The following COL19A1 variants were observed in gnomAD, a reference collection of about 807,000 sequenced individuals.
COL19A1 encodes collagen type XIX alpha 1 chain, also known as collagen alpha-1(XIX) chain.
COL19A1 carries 159 observed loss-of-function variants against 190.2 expected under a neutral mutation model. The ratio of observed to expected loss-of-function variants is 0.84; its 90% CI spans 0.73 to 0.95. The LOEUF (loss-of-function observed/expected upper bound fraction) is 0.95. COL19A1 is among the 40% of genes least tolerant of loss of function. The pLI, the probability that COL19A1 is intolerant of heterozygous loss-of-function variation, is 0.00. For synonymous variants in COL19A1, 509 were observed against 458.9 expected, an observed-to-expected ratio of 1.11 and a Z score of -1.39; for missense variants, 1,418 against 1,431.9, an observed-to-expected ratio of 0.99 and a Z score of 0.16.
intron 16 of COL19A1, among the ~76,000 whole-genome samples, chr6:70,119,352 A>T (rs1464284342): frequency 6.6e-6 from 1 of 152,222 alleles, no homozygotes; most frequent in African/African-American, 2.4e-5. Context: ...ACACGGTATG[A>T]CTACAGCTAA....
At chr6:69,875,808 G>T (rs1768096505) in intron 1 of COL19A1, among the ~76,000 whole-genome samples, 1 of 152,108 alleles carries the variant, frequency 6.6e-6, no homozygotes, top group East Asian at 1.9e-4. Context: ...TAGGCAGCTG[G>T]ACACACAGTC....
At chr6:70,069,117 C>T (rs775359879) in intron 15 of COL19A1, among the ~76,000 whole-genome samples, 1 of 151,976 alleles carries the variant, frequency 6.6e-6, no homozygotes, top group Non-Finnish European at 1.5e-5. Context: ...TTTAAAGTCT[C>T]AAAAAATCTT....
chr6:70,087,627 T>C (rs1313320266), intron 15 of COL19A1, among the ~76,000 whole-genome samples: 3 of 152,186 alleles, frequency 2.0e-5, no homozygotes, highest in Non-Finnish European at 4.4e-5. Flanking sequence ...AGACTGTTCA[T>C]TTCATTTAGA....
At chr6:69,921,282 A>C in intron 4 of COL19A1, among the ~76,000 whole-genome samples, 1 of 132,586 alleles carries the variant, frequency 7.5e-6, no homozygotes, top group Non-Finnish European at 1.5e-5. Context: ...TATATCATAT[A>C]TCATATATCA....
intron 11 of COL19A1, among the ~76,000 whole-genome samples, chr6:69,996,571 A>G (rs1776917293): frequency 6.6e-6 from 1 of 152,150 alleles, no homozygotes; most frequent in African/African-American, 2.4e-5. Context: ...TAATTTATAT[A>G]GGCAGGTTAG....
Position 70,090,022 on chromosome 6 carries a change from T to A in COL19A1, c.1225-12147T>A, listed in dbSNP as rs778453545. Among the ~76,000 whole-genome samples, 141 of 151,970 alleles carry A rather than the reference T, an allele frequency of 9.3e-4. 1 individual carries two copies. The highest frequency in any genetic ancestry group is 3.8e-4 in the Non-Finnish European group (26 of 67,978). ...AGAGACACCCATCTCTACAAAAAAATTAACAATTTGCTAAGTATGGTGGCA... is the reference window on the plus strand; with the variant it reads ...AGAGACACCCATCTCTACAAAAAAAATAACAATTTGCTAAGTATGGTGGCA... On this transcript the variant is annotated intron_variant, in intron 15 of 50. Transcript: ENST00000620364.
chr6:69,945,241 C>T (rs1157818105), intron 9 of COL19A1, among the ~76,000 whole-genome samples: 1 of 151,936 alleles, frequency 6.6e-6, no homozygotes, highest in African/African-American at 2.4e-5. Context: ...GATTGCTTTG[C>T]TGATATGCTT....
At chr6:70,151,940 A>C (rs1477282318) in intron 31 of COL19A1, among the ~76,000 whole-genome samples, 1 of 152,124 alleles carries the variant, frequency 6.6e-6, no homozygotes, top group African/African-American at 2.4e-5. Flanking sequence ...ACAGTTGACA[A>C]GTGCCCTAAT....
chr6:69,868,876 T>C (rs1209603993), intron 1 of COL19A1, among the ~76,000 whole-genome samples: 2 of 152,264 alleles, frequency 1.3e-5, no homozygotes, highest in East Asian at 3.9e-4. Flanking sequence ...GTACACAGAG[T>C]CAATGGTTCT....
chr6:70,143,343 A>G (rs1031645085), intron 23 of COL19A1, among the ~76,000 whole-genome samples: 2 of 152,156 alleles, frequency 1.3e-5, no homozygotes, highest in Non-Finnish European at 2.9e-5. Context: ...AAAATACTCA[A>G]TACACCTTTC....
At chr6:70,100,753 C>T (rs1164871223) in intron 15 of COL19A1, among the ~76,000 whole-genome samples, 3 of 151,990 alleles carry the variant, frequency 2.0e-5, no homozygotes, top group African/African-American at 7.2e-5. Context: ...GCTGGGATTA[C>T]AGTTGTGAGC....
intron 29 of COL19A1, 35 bp from the exon 30 acceptor site, chr6:70,149,957 G>C (rs752552368): frequency 4.3e-6 from 7 of 1,613,694 alleles, no homozygotes; most frequent in Non-Finnish European, 5.1e-6. Context: ...CCTGTGCCAC[G>C]TGCAAAGATT....
At chr6:70,010,994 A>G (rs1361814058) in intron 11 of COL19A1, among the ~76,000 whole-genome samples, 2 of 6,688 alleles carry the variant, frequency 3.0e-4, no homozygotes, top group Admixed American at 1.4e-3. Flanking sequence ...TGGTTCTCCC[A>G]GCACGCAGCT....
intron 15 of COL19A1, among the ~76,000 whole-genome samples, chr6:70,086,053 T>C (rs1782570368): frequency 6.6e-6 from 1 of 152,180 alleles, no homozygotes; most frequent in Non-Finnish European, 1.5e-5. Context: ...TGGTTAGTTC[T>C]TTTCTGGGGT....
At chr6:70,064,291 G>T (rs1323389784) in intron 14 of COL19A1, among the ~76,000 whole-genome samples, 1 of 152,174 alleles carries the variant, frequency 6.6e-6, no homozygotes, top group Non-Finnish European at 1.5e-5. Flanking sequence ...GATCAAGTGG[G>T]CTTCATCCCT....
intron 2 of COL19A1, among the ~76,000 whole-genome samples, chr6:69,883,350 G>A (rs1402874006): frequency 6.6e-6 from 1 of 152,210 alleles, no homozygotes; most frequent in African/African-American, 2.4e-5. Flanking sequence ...CCTGTCCTAT[G>A]AGACCTCTTG....
At chr6:70,203,102 G>A (rs543373453) in intron 49 of COL19A1, among the ~76,000 whole-genome samples, 1 of 152,242 alleles carries the variant, frequency 6.6e-6, no homozygotes, top group East Asian at 1.9e-4. Context: ...AACAGGAGAG[G>A]CAAATTTTCC....
intron 16 of COL19A1, among the ~76,000 whole-genome samples, chr6:70,117,078 G>A (rs1000569176): frequency 2.0e-5 from 3 of 152,166 alleles, no homozygotes; most frequent in Non-Finnish European, 4.4e-5. Context: ...TCAAGATTGA[G>A]GATCAGAGAG....
rs547772287 is a variant in COL19A1 at position 70,170,215 on chromosome 6, T to C, written c.2568+1534T>C. On this transcript the variant is annotated intron_variant, in intron 40 of 50. Coordinates refer to ENST00000620364, the MANE Select transcript of COL19A1 (RefSeq NM_001858.6). The stretch of plus-strand genomic sequence containing the variant: ...CCTGGATGAAACTTTGAAGTTACTC[T>C]TTTGGGTTCTCTGTCAGCACCACCC... Among the ~76,000 whole-genome samples, 3 of 152,286 alleles carry C rather than the reference T, an allele frequency of 2.0e-5. No homozygotes were observed. The South Asian group carries it at 6.2e-4, about 32-fold the overall frequency.
Sources: allele counts gnomAD v4.1 joint callset (sites outside exome capture counted in the v4.1 genomes callset), GRCh38; gene constraint gnomAD v4.1.1; transcripts MANE v1.5; gene names NCBI Gene and HGNC (gene_info 2026-07-23, HGNC 2026-07-21).